The following CCT6A variants were observed in gnomAD, a reference collection of about 807,000 sequenced individuals.
CCT6A encodes T-complex protein 1 subunit zeta.
Under a neutral mutation model 58.6 loss-of-function variants are expected in CCT6A, and 6 were observed. The observed-to-expected ratio is 0.10, with a 90% CI of 0.06 to 0.20. CCT6A has a LOEUF of 0.20. CCT6A is among the 10% of genes least tolerant of loss of function. CCT6A has a pLI of 1.00. For missense variants in CCT6A, 516 were observed against 648.8 expected (o/e 0.80, Z 2.22); for synonymous variants, 245 against 227.8 (o/e 1.08, Z -0.68).
At chr7:56,053,051 C>G (rs891076188) in intron 2 of CCT6A, among the ~76,000 whole-genome samples, 1 of 152,170 alleles carries the variant, frequency 6.6e-6, no homozygotes, top group South Asian at 2.1e-4. Context: ...GCATCAGCCT[C>G]CCAAAGTGCT....
At chr7:56,052,323 C>T (rs2117321230) in intron 1 of CCT6A, 99 bp from the exon 2 acceptor site, 1 of 1,040,452 alleles carries the variant, frequency 9.6e-7, no homozygotes, top group Admixed American at 1.8e-5. Context: ...AGCCCCACAT[C>T]CCTGGCTCCC....
chr7:56,053,227 C>T (rs1388745520), intron 2 of CCT6A, among the ~76,000 whole-genome samples: 6 of 152,128 alleles, frequency 3.9e-5, no homozygotes, highest in Admixed American at 2.0e-4. Flanking sequence ...TTTTACTCAT[C>T]CCTAAATTCC....
intron 9 of CCT6A, 153 bp from the exon 10 acceptor site, chr7:56,060,116 C>CT (rs1794401689): frequency 6.3e-6 from 4 of 630,606 alleles, no homozygotes. Context: ...AATCACATTT[C>CT]TTTTATGTGA....
At chr7:56,053,672 C>T (rs1196231812) in intron 2 of CCT6A, among the ~76,000 whole-genome samples, 3 of 152,070 alleles carry the variant, frequency 2.0e-5, no homozygotes, top group East Asian at 1.9e-4. Flanking sequence ...GAGAATCGAT[C>T]GCTTAAACCT....
intron 6 of CCT6A, 64 bp from the exon 7 acceptor site, chr7:56,058,298 C>G (rs1407211775): frequency 4.1e-6 from 5 of 1,227,678 alleles, no homozygotes; most frequent in African/African-American, 1.5e-5. Context: ...TAGGACTAAT[C>G]CAGTTTCAGA....
rs1562849348 is a variant in CCT6A, at chr7:56,055,739, T to A, written c.452T>A (p.Val151Glu). The change falls in exon 4 of 14, where the codon GTG becomes GAG. Residue 151 changes from valine (V) to glutamate (E), a missense_variant. Transcript: ENST00000275603. ...ATGGACAGGGAAACACTTATAGATG[T>A]GGCCAGAACATCTCTTCGTACTAAA... ...REMDRETLID[V>E]ARTSLRTKVH... 6.2e-7 allele frequency: 1 copy of A among 1,613,728 alleles called. No individual in the cohort carries two copies. The highest frequency in any genetic ancestry group is 1.3e-5 in the African/African-American group (1 of 74,940).
chr7:56,056,957 C>T (rs1228898454), intron 5 of CCT6A, among the ~76,000 whole-genome samples: 4 of 151,716 alleles, frequency 2.6e-5, no homozygotes, highest in East Asian at 2.0e-4. Flanking sequence ...CCACCATGCC[C>T]GGATAATTTT....
chr7:56,051,788 G>A lies in CCT6A; in HGVS notation c.-61G>A, dbSNP rs578186989. On this transcript the variant is annotated 5_prime_UTR_variant, in exon 1 of 14. Coordinates refer to ENST00000275603, the MANE Select transcript of CCT6A (RefSeq NM_001762.4). ...CCAGAAGACCCGGATAGTTCCTCCC[G>A]GCCACGCCGCGCCGGCTCTGGGCAC... 112 of 1,532,612 alleles carry A rather than the reference G, an allele frequency of 7.3e-5. No homozygotes were observed. The African/African-American group carries it at 1.2e-3, about 16-fold the overall frequency. 94.9% of individuals were successfully genotyped at this position (1,532,612 alleles called of 1,614,324 possible).
At chr7:56,058,821 A>G in intron 8 of CCT6A, 119 bp downstream of exon 8, 1 of 630,092 alleles carries the variant, frequency 1.6e-6, no homozygotes, top group Non-Finnish European at 2.9e-6. Flanking sequence ...CTATATTCAC[A>G]TTGTGCACCC....
chr7:56,059,678 T>C (rs759456625), intron 9 of CCT6A, 38 bp downstream of exon 9: 2 of 988,936 alleles, frequency 2.0e-6, no homozygotes, highest in Non-Finnish European at 3.3e-6. Context: ...TAGAACCTTT[T>C]AGCTCGTGAA....
intron 11 of CCT6A, 75 bp from the exon 12 acceptor site, chr7:56,061,668 CTTTT>C (rs71015174): frequency 0.03 from 9,283 of 311,128 alleles, 133 homozygotes; most frequent in East Asian, 0.056. Flanking sequence ...TTTCTTTTTT[CTTTT>C]TTTTTTTTTT....
chr7:56,062,503 C>T (rs1794477181), intron 12 of CCT6A, 180 bp from the exon 13 acceptor site: 1 of 637,404 alleles, frequency 1.6e-6, no homozygotes, highest in African/African-American at 1.8e-5. Flanking sequence ...ATAAGTCAGA[C>T]ATTCATCAAA....
In CCT6A at chr7:56,054,577, C is replaced by T. The variant is rs181609371; in HGVS notation, c.336+74C>T. Reference sequence around the variant, plus strand: ...TCTGATATTTATACAAATTGATGTGCTGTTAATAGTAGCTGAGGTCATACA... The same window carrying T: ...TCTGATATTTATACAAATTGATGTGTTGTTAATAGTAGCTGAGGTCATACA... On this transcript the variant is annotated intron_variant, in intron 3 of 13. Transcript: ENST00000275603. 4 of 1,431,452 alleles carry T rather than the reference C, an allele frequency of 2.8e-6. No individual in the cohort carries two copies. The Admixed American group carries it at 7.1e-5, about 26-fold the overall frequency. 88.7% of individuals were successfully genotyped at this position (1,431,452 alleles called of 1,614,324 possible).
At chr7:56,059,173 G>GT (rs752612877) in intron 8 of CCT6A, among the ~76,000 whole-genome samples, 2 of 151,860 alleles carry the variant, frequency 1.3e-5, no homozygotes, top group Non-Finnish European at 2.9e-5. Context: ...ATTGCTTTGT[G>GT]TTTTTTTAGT....
In CCT6A at chr7:56,051,965, G is replaced by A; in HGVS notation, c.117G>A (p.Gly39=). ...AGGACGTGCTAAGGACCAACCTGGG[G>A]CCCAAGGGCACCATGAAGATGTAAG... ...GLQDVLRTNL[G]PKGTMKMLVS... Residue 39 remains glycine, a synonymous_variant, in exon 1 of 14, where the codon GGG becomes GGA. Coordinates refer to ENST00000275603, the MANE Select transcript of CCT6A (RefSeq NM_001762.4). The A allele has an allele frequency of 1.3e-6, 2 of 1,531,578 alleles. No homozygotes were observed. The highest frequency in any genetic ancestry group is 2.0e-5 in the Admixed American group (1 of 49,580). 94.9% of individuals were successfully genotyped at this position (1,531,578 alleles called of 1,614,324 possible).
At chr7:56,060,471 C>T (rs1794410044) in intron 10 of CCT6A, 55 bp downstream of exon 10, 2 of 1,560,620 alleles carry the variant, frequency 1.3e-6, no homozygotes, top group African/African-American at 2.7e-5. Context: ...GTCTGAAAGG[C>T]ATGGCCGAAT....
Position 56,054,458 on chromosome 7 carries a change from A to C in CCT6A, c.291A>C (p.Leu97=), listed in dbSNP as rs774601547. 2.5e-6 allele frequency: 4 copies of C among 1,613,514 alleles called. No homozygotes were observed. The South Asian group carries it at 3.3e-5, about 13-fold the overall frequency. ...GTGATGGTACGACTTCTAATGTCCT[A>C]ATCATTGGAGAGCTGCTGAAACAGG... The part of the protein sequence containing the change: ...ITGDGTTSNV[L]IIGELLKQAD... The change falls in exon 3 of 14, where the codon CTA becomes CTC. Residue 97 remains leucine (L), a synonymous_variant. Coordinates refer to ENST00000275603, the MANE Select transcript of CCT6A (RefSeq NM_001762.4).
At chr7:56,058,267 G>C in intron 6 of CCT6A, 95 bp from the exon 7 acceptor site, 2 of 974,630 alleles carry the variant, frequency 2.1e-6, no homozygotes, top group Non-Finnish European at 1.5e-6. Context: ...CAGGATTGGA[G>C]CTCAGTGAAC....
In CCT6A at chr7:56,059,929, C is replaced by T. The variant is rs145667181; in HGVS notation, c.1065+289C>T. 674 of 400,086 alleles carry T rather than the reference C, an allele frequency of 1.7e-3. 7 individuals are homozygous for T. The highest frequency in any genetic ancestry group is 0.013 in the African/African-American group (617 of 49,224). 24.8% of individuals were successfully genotyped at this position (400,086 alleles called of 1,614,324 possible). The stretch of plus-strand genomic sequence containing the variant: ...GTTGCCCAGGCTGGTCTTAAACTCC[C>T]GGGCTCAGGCTGTCCTTCACCCTCA... On this transcript the variant is annotated intron_variant, in intron 9 of 13. Transcript: ENST00000275603.
Sources: allele counts gnomAD v4.1 joint callset (sites outside exome capture counted in the v4.1 genomes callset), GRCh38; gene constraint gnomAD v4.1.1; transcripts MANE v1.5; gene names NCBI Gene and HGNC (gene_info 2026-07-23, HGNC 2026-07-21).